The following ADCY2 variants were observed in gnomAD, a reference collection of about 807,000 sequenced individuals.
The protein encoded by ADCY2 is adenylate cyclase type 2.
ADCY2 carries 31 observed loss-of-function variants against 125.2 expected under a neutral mutation model. That is an observed-to-expected ratio of 0.25 (90% CI 0.19 to 0.33). The LOEUF is 0.33. Among genes scored for constraint, ADCY2 ranks in the 10% least tolerant of loss-of-function variants. ADCY2 has a pLI of 1.00. For missense variants in ADCY2, 904 were observed against 1,418.2 expected, an observed-to-expected ratio of 0.64 and a Z score of 5.82; for synonymous variants, 512 against 548.4, an observed-to-expected ratio of 0.93 and a Z score of 0.93.
At chr5:7,607,117 T>C (rs546910576) in intron 3 of ADCY2, among the ~76,000 whole-genome samples, 1 of 152,350 alleles carries the variant, frequency 6.6e-6, no homozygotes, top group South Asian at 2.1e-4. Context: ...GTTTACTTTC[T>C]GGTTCTCTTA....
At chr5:7,750,705 T>G (rs1371942716) in intron 15 of ADCY2, among the ~76,000 whole-genome samples, 1 of 152,106 alleles carries the variant, frequency 6.6e-6, no homozygotes, top group African/African-American at 2.4e-5. Flanking sequence ...TCTGTGGGAA[T>G]GAGATTAACT....
chr5:7,427,931 T>C (rs1418093657), intron 2 of ADCY2, among the ~76,000 whole-genome samples: 1 of 152,196 alleles, frequency 6.6e-6, no homozygotes, highest in Non-Finnish European at 1.5e-5. Context: ...CATGGCTCCT[T>C]GTGCTAAATG....
chr5:7,430,863 G>A (rs901431281), intron 2 of ADCY2, among the ~76,000 whole-genome samples: 12 of 152,084 alleles, frequency 7.9e-5, no homozygotes, highest in Admixed American at 2.6e-4. Context: ...ACTGTAAAGC[G>A]TGGTTGAGAG....
At chr5:7,486,456 CA>C (rs753417566) in intron 2 of ADCY2, among the ~76,000 whole-genome samples, 1 of 152,022 alleles carries the variant, frequency 6.6e-6, no homozygotes, top group Admixed American at 6.5e-5. Flanking sequence ...GCAGTTAAAA[CA>C]AAGCTTTTGT....
intron 3 of ADCY2, among the ~76,000 whole-genome samples, chr5:7,603,776 C>G (rs1215438144): frequency 1.7e-5 from 1 of 58,148 alleles, no homozygotes; most frequent in Non-Finnish European, 3.4e-5. Flanking sequence ...TGGGGTAATG[C>G]TCTCTTTCTT....
chr5:7,606,947 T>C (rs1314543726), intron 3 of ADCY2, among the ~76,000 whole-genome samples: 1 of 152,188 alleles, frequency 6.6e-6, no homozygotes, highest in East Asian at 1.9e-4. Flanking sequence ...CCACCCCTGT[T>C]CTTAGTTCAC....
chr5:7,436,150 C>G (rs1331422031), intron 2 of ADCY2, among the ~76,000 whole-genome samples: 1 of 152,164 alleles, frequency 6.6e-6, no homozygotes, highest in Non-Finnish European at 1.5e-5. Flanking sequence ...CAGACGCACA[C>G]ATAAAACAAG....
intron 3 of ADCY2, among the ~76,000 whole-genome samples, chr5:7,575,881 C>T (rs1736230838): frequency 6.6e-6 from 1 of 152,020 alleles, no homozygotes; most frequent in Non-Finnish European, 1.5e-5. Context: ...AATGAATTAC[C>T]TCTAACATAA....
chr5:7,404,877 T>C lies in ADCY2; in HGVS notation c.210+8371T>C, dbSNP rs189728357. Among the ~76,000 whole-genome samples the C allele has an allele frequency of 4.6e-5, 7 of 152,322 alleles. No homozygotes were observed. In the East Asian group the frequency reaches 1.4e-3, roughly 29 times the overall value. On this transcript the variant is annotated intron_variant, in intron 1 of 24. Transcript: ENST00000338316. ...TTCCCTGTCTGGTGGTCATGCTGGC[T>C]TGCAACTGAGATTCAGCTGGCACTG...
At chr5:7,751,272 G>C (rs931726694) in intron 15 of ADCY2, among the ~76,000 whole-genome samples, 1 of 151,906 alleles carries the variant, frequency 6.6e-6, no homozygotes, top group African/African-American at 2.4e-5. Flanking sequence ...TCTTAATTTA[G>C]AAGCTATTTC....
At chr5:7,609,947 T>C in intron 3 of ADCY2, among the ~76,000 whole-genome samples, 1 of 152,250 alleles carries the variant, frequency 6.6e-6, no homozygotes, top group South Asian at 2.1e-4. Context: ...GTGCAAGGGC[T>C]TGAGCCTGGC....
At chr5:7,715,628 C>G (rs907393322) in intron 11 of ADCY2, among the ~76,000 whole-genome samples, 1 of 151,692 alleles carries the variant, frequency 6.6e-6, no homozygotes, top group African/African-American at 2.4e-5. Flanking sequence ...ATGCTAAAAC[C>G]TCTTAATTCA....
At chr5:7,668,946 C>G (rs781246936) in intron 4 of ADCY2, among the ~76,000 whole-genome samples, 18 of 152,218 alleles carry the variant, frequency 1.2e-4, no homozygotes, top group Non-Finnish European at 2.1e-4. Flanking sequence ...GAATCCATGT[C>G]TACTCCACTA....
intron 4 of ADCY2, among the ~76,000 whole-genome samples, chr5:7,676,902 G>T (rs1449054384): frequency 6.6e-6 from 1 of 152,156 alleles, no homozygotes; most frequent in African/African-American, 2.4e-5. Flanking sequence ...GCTGAAACTG[G>T]ACTTGAAGTT....
chr5:7,493,802 T>C (rs1320014748), intron 2 of ADCY2, among the ~76,000 whole-genome samples: 1 of 152,152 alleles, frequency 6.6e-6, no homozygotes, highest in Non-Finnish European at 1.5e-5. Flanking sequence ...TGATTCATCC[T>C]AAGTAAAAGA....
At chr5:7,785,378 T>C (rs1744050049) in intron 19 of ADCY2, among the ~76,000 whole-genome samples, 1 of 152,210 alleles carries the variant, frequency 6.6e-6, no homozygotes, top group African/African-American at 2.4e-5. Flanking sequence ...CAGTGTGAGC[T>C]GCATCCTCCG....
intron 3 of ADCY2, among the ~76,000 whole-genome samples, chr5:7,532,526 C>A (rs904797221): frequency 3.1e-4 from 47 of 152,152 alleles, no homozygotes; most frequent in Middle Eastern, 3.2e-3. Context: ...ACACATTTGT[C>A]TAATTTTTTA....
At chr5:7,809,843 C>T (rs1209932098) in intron 22 of ADCY2, among the ~76,000 whole-genome samples, 1 of 152,174 alleles carries the variant, frequency 6.6e-6, no homozygotes, top group Non-Finnish European at 1.5e-5. Context: ...AACAATGTGG[C>T]TAAATGGTTG....
chr5:7,607,887 T>C (rs566726036), intron 3 of ADCY2, among the ~76,000 whole-genome samples: 1 of 152,344 alleles, frequency 6.6e-6, no homozygotes, highest in South Asian at 2.1e-4. Context: ...TTAAATTTGG[T>C]GAATGATGTA....
Sources: gnomAD v4.1 joint callset for allele counts (sites outside exome capture counted in the v4.1 genomes callset) on GRCh38, gnomAD v4.1.1 for gene constraint, MANE v1.5 for transcripts, NCBI Gene and HGNC (gene_info 2026-07-23, HGNC 2026-07-21) for gene names.